NEB: variants seen among roughly 807,000 people sequenced by gnomAD.
NEB encodes the protein nemaline myopathy type 2.
Under a neutral mutation model 952.2 loss-of-function variants are expected in NEB, and 512 were observed. The observed-to-expected ratio is 0.54, with a 90% confidence interval of 0.50 to 0.58. The LOEUF is 0.58. Among genes scored for constraint, NEB ranks in the 20% least tolerant of loss-of-function variants. NEB has a pLI of 0.00. For missense variants in NEB, 8,428 were observed against 9,231.1 expected (o/e 0.91, Z 3.56); for synonymous variants, 2,900 against 3,149.8 (o/e 0.92, Z 2.66).
At chr2:151,707,315 A>G (rs2099710426) in intron 12 of NEB, among the ~76,000 whole-genome samples, 1 of 152,300 alleles carries the variant, frequency 6.6e-6, no homozygotes, top group Middle Eastern at 3.4e-3. Context: ...AAATAATAGG[A>G]GGGAGAAAGA....
intron 172 of NEB, 49 bp downstream of exon 172, chr2:151,496,892 A>AG: frequency 6.8e-7 from 1 of 1,473,648 alleles, no homozygotes; most frequent in Non-Finnish European, 9.3e-7. Flanking sequence ...AAATCATGAA[A>AG]TAGTTTTTAA....
At chr2:151,726,800 A>C (rs2099792193) in intron 5 of NEB, among the ~76,000 whole-genome samples, 3 of 152,126 alleles carry the variant, frequency 2.0e-5, no homozygotes, top group South Asian at 4.1e-4. Flanking sequence ...CCAAGGTGGG[A>C]GGATCACCTG....
At chr2:151,560,970 C>T in intron 123 of NEB, 34 bp downstream of exon 123, 1 of 1,318,386 alleles carries the variant, frequency 7.6e-7, no homozygotes, top group South Asian at 1.3e-5. Context: ...GGAAAGGTGG[C>T]TCATATATAA....
At chr2:151,488,789 C>T (rs899131631) in intron 181 of NEB, among the ~76,000 whole-genome samples, 4 of 152,010 alleles carry the variant, frequency 2.6e-5, no homozygotes, top group South Asian at 4.1e-4. Context: ...AACTGGTTAC[C>T]TCAGATCATA....
In NEB at chr2:151,727,923, C is replaced by A; in HGVS notation, c.79-17G>T. 6.3e-7 allele frequency: 1 copy of A among 1,593,124 alleles called. No individual in the cohort carries two copies. The highest frequency in any genetic ancestry group is 2.2e-5 in the East Asian group (1 of 44,770). ...TGTTATTGTCTGAAAATTTGATATGCAGTTCAACATTGTTGTGAAAGTAAA... is the reference window on the plus strand; with the variant it reads ...TGTTATTGTCTGAAAATTTGATATGAAGTTCAACATTGTTGTGAAAGTAAA... On this transcript the variant is annotated splice_polypyrimidine_tract_variant and intron_variant, in intron 4 of 181. Transcript: ENST00000397345.
chr2:151,500,824 C>G (rs1218376254), intron 168 of NEB, among the ~76,000 whole-genome samples: 1 of 152,038 alleles, frequency 6.6e-6, no homozygotes, highest in Non-Finnish European at 1.5e-5. Flanking sequence ...GTCTCGACCT[C>G]CTGGGCTCAA....
chr2:151,607,322 A>C lies in NEB; in HGVS notation c.12639+182T>G, dbSNP rs532945852. The stretch of plus-strand genomic sequence containing the variant: ...GTCTAGGCACCCACCGATGTATCCA[A>C]GCACTCATTTAAAAGAGAGAAACTC... On this transcript the variant is annotated intron_variant, in intron 83 of 181. Coordinates refer to ENST00000397345, the MANE Select transcript of NEB (RefSeq NM_001164508.2). 1.9e-5 allele frequency among the ~76,000 whole-genome samples: 2 copies of C among 103,822 alleles called. 1 individual carries two copies. Among genetic ancestry groups the C allele is most frequent in the Admixed American group, 2.6e-4 (2 of 7,808 alleles). The allele number at this position is 103,822 out of a possible 152,430, so 68.1% of individuals were successfully genotyped here.
chr2:151,652,427 G>A (rs1282785034), intron 52 of NEB, among the ~76,000 whole-genome samples: 2 of 151,970 alleles, frequency 1.3e-5, no homozygotes, highest in Non-Finnish European at 2.9e-5. Flanking sequence ...GTCTCACTAC[G>A]TTGCCCAGGC....
rs114089598 is a variant in NEB, at chr2:151,667,874, T to A, written c.4649A>T (p.Lys1550Met). The A allele has an allele frequency of 6.2e-7, 1 of 1,612,504 alleles. No individual in the cohort carries two copies. The change falls in exon 40 of 182, where the codon AAG becomes ATG. Residue 1550 changes from lysine (K) to methionine (M), a missense_variant. Coordinates refer to ENST00000397345, the MANE Select transcript of NEB (RefSeq NM_001164508.2). ...GGCATCTGGTCTCAAATCATAGCCC[T>A]TGGCAATGGTTTTCTTCCAATCTGC... ...YKADWKKTIA[K>M]GYDLRPDAIP...
intron 67 of NEB, 124 bp downstream of exon 67, chr2:151,630,591 T>G: frequency 1.4e-6 from 1 of 693,686 alleles, no homozygotes; most frequent in Non-Finnish European, 2.5e-6. Flanking sequence ...AGATGAAAGG[T>G]TGGATGAGTG....
intron 13 of NEB, among the ~76,000 whole-genome samples, chr2:151,698,991 G>T (rs1212714562): frequency 3.0e-4 from 41 of 137,010 alleles, no homozygotes; most frequent in Non-Finnish European, 6.1e-4. Context: ...CTAGCATTAG[G>T]TATATCTCCC....
chr2:151,691,259 T>C (rs547304933), intron 23 of NEB, among the ~76,000 whole-genome samples: 1 of 152,296 alleles, frequency 6.6e-6, no homozygotes, highest in South Asian at 2.1e-4. Context: ...GTTCTCTCCT[T>C]AGGCCGTTCT....
At chr2:151,616,419 T>C (rs1008238802) in intron 75 of NEB, among the ~76,000 whole-genome samples, 6 of 151,964 alleles carry the variant, frequency 3.9e-5, no homozygotes, top group Admixed American at 1.3e-4. Flanking sequence ...CCGGGCGTGG[T>C]GGCTCACGCC....
chr2:151,572,399 A>G (rs2096661959), intron 107 of NEB, among the ~76,000 whole-genome samples: 1 of 151,210 alleles, frequency 6.6e-6, no homozygotes, highest in Non-Finnish European at 1.5e-5. Context: ...TTATCTTTTT[A>G]CTTTTTGTTT....
intron 13 of NEB, among the ~76,000 whole-genome samples, chr2:151,698,575 TTC>T (rs1297714856): frequency 6.6e-6 from 1 of 152,018 alleles, no homozygotes; most frequent in African/African-American, 2.4e-5. Context: ...TCTTTCTGAT[TTC>T]TCTCTTAGCA....
chr2:151,495,916 G>A (rs2059855757), intron 173 of NEB, among the ~76,000 whole-genome samples: 1 of 152,134 alleles, frequency 6.6e-6, no homozygotes, highest in African/African-American at 2.4e-5. Flanking sequence ...TCATATTTAA[G>A]AAAGAGCCGC....
At chr2:151,733,639 A>G (rs945804884) in intron 2 of NEB, 73 bp downstream of exon 2, 3 of 152,822 alleles carry the variant, frequency 2.0e-5, no homozygotes, top group African/African-American at 7.2e-5. Context: ...CACTGTTTGC[A>G]ATATATCTTA....
intron 174 of NEB, 75 bp from the exon 175 acceptor site, chr2:151,493,942 G>A (rs1377787327): frequency 9.0e-6 from 10 of 1,108,296 alleles, no homozygotes; most frequent in South Asian, 4.7e-5. Flanking sequence ...AAGTTGGGGG[G>A]AAATGTTATG....
chr2:151,525,996 T>A lies in NEB; in HGVS notation c.22123A>T (p.Thr7375Ser). 6.2e-7 allele frequency: 1 copy of A among 1,613,994 alleles called. No individual in the cohort carries two copies. Among genetic ancestry groups the A allele is most frequent in the Non-Finnish European group, 8.5e-7 (1 of 1,179,860 alleles). Residue 7375 changes from threonine (T) to serine (S), a missense_variant, in exon 150 of 182, where the codon ACT becomes TCT. By Grantham distance (58) the Thr-to-Ser change is moderately conservative. Around this residue, in one of 11 missense-constraint regions of NEB, gnomAD observed 3,374 missense variants for 3,651.5 expected, o/e 0.92. Transcript: ENST00000397345. Reference sequence around the variant, plus strand: ...TTGGTCACTTCCTTGACGTGAACAGTGTCCCGGGTCTCTGGTAGTGTTGTG... The same window carrying A: ...TTGGTCACTTCCTTGACGTGAACAGAGTCCCGGGTCTCTGGTAGTGTTGTG... The part of the protein sequence containing the change: ...SYTTLPETRD[T>S]VHVKEVTKHV...
Sources: gnomAD v4.1 joint callset for allele counts (sites outside exome capture counted in the v4.1 genomes callset) on GRCh38, gnomAD v4.1.1 for gene constraint, gnomAD v4.1.1 regional missense constraint, MANE v1.5 for transcripts, NCBI Gene and HGNC (gene_info 2026-07-23, HGNC 2026-07-21) for gene names.